The following NBAS variants were observed in gnomAD, a reference collection of about 807,000 sequenced individuals.
NBAS encodes the protein NAG/BC035112 fusion.
Under a neutral mutation model 302.5 loss-of-function variants are expected in NBAS, and 219 were observed. The observed-to-expected ratio is 0.72, with a 90% CI of 0.65 to 0.81. The LOEUF is 0.81. NBAS is among the 30% of genes least tolerant of loss of function. The probability of loss-of-function intolerance (pLI) is 0.00; values close to 1 mark genes in which losing one functional copy is unlikely to be tolerated. For synonymous variants in NBAS, 1,118 were observed against 1,021.6 expected (o/e 1.09, Z -1.80); for missense variants, 2,932 against 2,841.6 (o/e 1.03, Z -0.72).
At chr2:15,027,196 G>A in the NBAS span, among the ~76,000 whole-genome samples, 1 of 152,078 alleles carries the variant, frequency 6.6e-6, no homozygotes, top group African/African-American at 2.4e-5. Context: ...TGATAGATAA[G>A]TGCATAACAA....
chr2:15,198,848 C>T (rs1007692195), intron 48 of NBAS, among the ~76,000 whole-genome samples: 25 of 152,160 alleles, frequency 1.6e-4, no homozygotes, highest in African/African-American at 5.3e-4. Context: ...AAAAATTGGC[C>T]GGGCGCGGTG....
chr2:15,358,738 C>CA (rs1673750570), intron 32 of NBAS, among the ~76,000 whole-genome samples: 1 of 152,188 alleles, frequency 6.6e-6, no homozygotes, highest in African/African-American at 2.4e-5. Flanking sequence ...AACCAACACA[C>CA]CTGGCTTGTG....
the NBAS span, among the ~76,000 whole-genome samples, chr2:14,793,697 T>C: frequency 6.6e-6 from 1 of 152,124 alleles, no homozygotes; most frequent in Non-Finnish European, 1.5e-5. Flanking sequence ...AAAGTCATAC[T>C]TCTATACATT....
chr2:15,001,787 AC>A, the NBAS span, among the ~76,000 whole-genome samples: 3 of 151,980 alleles, frequency 2.0e-5, no homozygotes, highest in African/African-American at 7.3e-5. Flanking sequence ...TTGTGGTCTC[AC>A]TGGCTCAGGA....
chr2:15,534,630 T>A lies in NBAS; in HGVS notation c.659A>T (p.Asn220Ile). The stretch of plus-strand genomic sequence containing the variant: ...ACAGTGACTTTCTTGGTAGCTCTGA[T>A]TTGTTCCAACACTAAATTTAAGAGG... ...LRSYLVSVGT[N>I]QSYQESHCFS... The change falls in exon 9 of 52, where the codon AAT becomes ATT. Residue 220 changes from asparagine (N) to isoleucine (I), a missense_variant. Transcript: ENST00000281513. 2 of 1,613,244 alleles carry A rather than the reference T, an allele frequency of 1.2e-6. No individual in the cohort carries two copies. Among genetic ancestry groups the A allele is most frequent in the Non-Finnish European group, 1.7e-6 (2 of 1,179,256 alleles).
intron 28 of NBAS, among the ~76,000 whole-genome samples, chr2:15,383,954 G>A (rs566113505): frequency 6.6e-6 from 1 of 152,178 alleles, no homozygotes; most frequent in Admixed American, 6.5e-5. Flanking sequence ...GAGCCTCAGA[G>A]AGTAGTCGCT....
At chr2:14,791,191 G>C in the NBAS span, among the ~76,000 whole-genome samples, 1 of 151,358 alleles carries the variant, frequency 6.6e-6, no homozygotes, top group South Asian at 2.1e-4. Flanking sequence ...GTGTTTCTCC[G>C]TGTTGGTCAG....
At chr2:15,056,862 T>A in the NBAS span, among the ~76,000 whole-genome samples, 2 of 146,656 alleles carry the variant, frequency 1.4e-5, no homozygotes, top group Non-Finnish European at 3.0e-5. Flanking sequence ...GGAGTCTCAC[T>A]CTGTCTCCTA....
At chr2:15,484,248 C>G (rs893826404) in intron 12 of NBAS, among the ~76,000 whole-genome samples, 2 of 152,134 alleles carry the variant, frequency 1.3e-5, no homozygotes, top group Non-Finnish European at 1.5e-5. Flanking sequence ...CCTTGCTTAC[C>G]ATTAATATCA....
chr2:15,445,786 T>A (rs1678705601), intron 21 of NBAS, among the ~76,000 whole-genome samples: 1 of 151,994 alleles, frequency 6.6e-6, no homozygotes, highest in East Asian at 1.9e-4. Flanking sequence ...TTATGGCTTA[T>A]AACCAGAACA....
the NBAS span, among the ~76,000 whole-genome samples, chr2:14,937,228 G>T: frequency 6.6e-6 from 1 of 152,124 alleles, no homozygotes; most frequent in African/African-American, 2.4e-5. Flanking sequence ...ATGACAGGTG[G>T]CATAGTAGAT....
the NBAS span, among the ~76,000 whole-genome samples, chr2:15,029,040 A>G: frequency 1.4e-3 from 211 of 152,302 alleles, no homozygotes; most frequent in African/African-American, 4.8e-3. Flanking sequence ...GTAGGCTTCT[A>G]GAAGATACAA....
At chr2:15,331,316 A>G (rs1672337620) in intron 35 of NBAS, among the ~76,000 whole-genome samples, 1 of 152,200 alleles carries the variant, frequency 6.6e-6, no homozygotes. Context: ...TCTTGAAGCA[A>G]TCAGCTGAAA....
chr2:15,353,936 G>C (rs567607891), intron 33 of NBAS, among the ~76,000 whole-genome samples: 2 of 152,260 alleles, frequency 1.3e-5, no homozygotes, highest in East Asian at 3.9e-4. Flanking sequence ...AAGTGTTTCT[G>C]ACAAACTCTG....
intron 25 of NBAS, among the ~76,000 whole-genome samples, chr2:15,414,033 A>G (rs1558316308): frequency 6.6e-6 from 1 of 152,188 alleles, no homozygotes; most frequent in Non-Finnish European, 1.5e-5. Context: ...TCCTCATAAA[A>G]CATTCATATT....
At chr2:15,310,648 C>CA (rs1367459346) in intron 38 of NBAS, among the ~76,000 whole-genome samples, 1 of 152,148 alleles carries the variant, frequency 6.6e-6, no homozygotes, top group African/African-American at 2.4e-5. Flanking sequence ...GGTAGCTGGG[C>CA]ATGGGGGTTC....
intron 39 of NBAS, 26 bp downstream of exon 39, chr2:15,309,144 AT>A: frequency 6.3e-7 from 1 of 1,584,558 alleles, no homozygotes. Flanking sequence ...GTCATTTTAA[AT>A]TCTTCATTGG....
intron 9 of NBAS, among the ~76,000 whole-genome samples, chr2:15,532,488 CAA>C (rs896529713): frequency 0.07 from 3,326 of 47,634 alleles, 65 homozygotes; most frequent in African/African-American, 0.15. Context: ...GACTCCATCT[CAA>C]AAAAAAAAAA....
the NBAS span, among the ~76,000 whole-genome samples, chr2:14,879,095 T>C: frequency 3.9e-5 from 6 of 152,222 alleles, no homozygotes; most frequent in African/African-American, 1.4e-4. Context: ...CACTTAGTAA[T>C]ATGCATTTAA....
Sources: gnomAD v4.1 joint callset for allele counts (sites outside exome capture counted in the v4.1 genomes callset) on GRCh38, gnomAD v4.1.1 for gene constraint, MANE v1.5 for transcripts, NCBI Gene and HGNC (gene_info 2026-07-23, HGNC 2026-07-21) for gene names.